CCSER1: variants seen among roughly 807,000 people sequenced by gnomAD.
The protein encoded by CCSER1 is serine-rich coiled-coil domain-containing protein 1.
CCSER1 carries 41 observed loss-of-function variants against 82.0 expected under a neutral mutation model. That is an observed-to-expected ratio of 0.50 (90% confidence interval 0.39 to 0.65). The LOEUF is 0.65. Among genes scored for constraint, CCSER1 ranks in the 30% least tolerant of loss-of-function variants. CCSER1 has a pLI of 0.00. For synonymous variants in CCSER1, 414 were observed against 383.9 expected (o/e 1.08, Z -0.92); for missense variants, 1,119 against 1,064.2 (o/e 1.05, Z -0.72).
In CCSER1 at chr4:90,937,504, A is replaced by ACACACACACACACACACACAC. The variant is rs757870134; in HGVS notation, c.2172+14057_2172+14058insCACACACACACACACACACAC. On this transcript the variant is annotated intron_variant, in intron 9 of 10. Transcript: ENST00000509176. ...AAACACACACACACACACACACACA[A>ACACACACACACACACACACAC]ACACACACACACTGAATGGCTCAAT... Among the ~76,000 whole-genome samples, 89 of 77,730 alleles carry ACACACACACACACACACACAC rather than the reference A, an allele frequency of 1.1e-3. 1 individual carries two copies. Among genetic ancestry groups the ACACACACACACACACACACAC allele is most frequent in the African/African-American group, 3.4e-3 (87 of 25,310 alleles). 51.0% of individuals were successfully genotyped at this position (77,730 alleles called of 152,430 possible). A position where few individuals can be genotyped will look rare whatever the true frequency, so the allele number is the denominator to read the frequency against.
chr4:90,574,170 C>A (rs995330146), intron 5 of CCSER1, among the ~76,000 whole-genome samples: 3 of 148,996 alleles, frequency 2.0e-5, no homozygotes, highest in Non-Finnish European at 4.4e-5. Context: ...TTTAAATGAA[C>A]CTTGCAGTTA....
At chr4:91,211,160 G>C (rs1467812070) in intron 10 of CCSER1, among the ~76,000 whole-genome samples, 1 of 151,944 alleles carries the variant, frequency 6.6e-6, no homozygotes, top group Non-Finnish European at 1.5e-5. Context: ...AGTGAAGATA[G>C]AGAATGGGCA....
At chr4:90,999,879 GTT>G (rs33987640) in intron 9 of CCSER1, among the ~76,000 whole-genome samples, 15,264 of 137,378 alleles carry the variant, frequency 0.11, 897 homozygotes, top group Admixed American at 0.17. Flanking sequence ...TGTTTCTGAG[GTT>G]TTTTTTTTTT....
At chr4:91,576,991 GT>G (rs1273170514) in intron 10 of CCSER1, among the ~76,000 whole-genome samples, 1 of 87,372 alleles carries the variant, frequency 1.1e-5, no homozygotes, top group Non-Finnish European at 2.4e-5. Flanking sequence ...TTTAATTTTT[GT>G]TTTCAATTAT....
At chr4:91,425,036 A>G (rs1753891786) in intron 10 of CCSER1, among the ~76,000 whole-genome samples, 1 of 152,104 alleles carries the variant, frequency 6.6e-6, no homozygotes, top group Non-Finnish European at 1.5e-5. Context: ...TTATAAAACT[A>G]TCCTATGAAT....
At chr4:91,473,056 T>C (rs545796227) in intron 10 of CCSER1, among the ~76,000 whole-genome samples, 2 of 152,276 alleles carry the variant, frequency 1.3e-5, no homozygotes, top group South Asian at 4.1e-4. Flanking sequence ...TGATATTTCA[T>C]ATTCTGTGTG....
intron 3 of CCSER1, among the ~76,000 whole-genome samples, chr4:90,364,261 C>T (rs181337228): frequency 1.3e-5 from 2 of 152,094 alleles, no homozygotes; most frequent in African/African-American, 4.8e-5. Context: ...CTGTCTCTCT[C>T]CCCCAAGTTC....
intron 10 of CCSER1, among the ~76,000 whole-genome samples, chr4:91,220,769 GA>G (rs1344861298): frequency 1.3e-5 from 2 of 151,974 alleles, no homozygotes; most frequent in African/African-American, 4.8e-5. Context: ...GAAAAAAAAG[GA>G]AAGAAAAGAA....
At chr4:91,170,404 A>C (rs893076706) in intron 10 of CCSER1, among the ~76,000 whole-genome samples, 2 of 152,188 alleles carry the variant, frequency 1.3e-5, no homozygotes, top group Non-Finnish European at 2.9e-5. Context: ...TGACAGAGAC[A>C]AAGAAATGCA....
At chr4:90,781,524 C>T in intron 7 of CCSER1, 1 of 984,210 alleles carries the variant, frequency 1.0e-6, no homozygotes, top group Non-Finnish European at 1.2e-6. Context: ...AGATGTTAAA[C>T]TTGAAACACT....
intron 7 of CCSER1, among the ~76,000 whole-genome samples, chr4:90,776,194 C>T (rs1561115638): frequency 6.6e-6 from 1 of 152,068 alleles, no homozygotes; most frequent in Non-Finnish European, 1.5e-5. Flanking sequence ...ATTCAATTCT[C>T]CTGAAATCAA....
At chr4:91,027,652 ACT>A (rs34404295) in intron 9 of CCSER1, among the ~76,000 whole-genome samples, 15,801 of 151,916 alleles carry the variant, frequency 0.1, 866 homozygotes, top group Admixed American at 0.17. Flanking sequence ...GGCATTTATA[ACT>A]CTCCTTCCCA....
At chr4:90,532,332 ACACT>A (rs1363876262) in intron 5 of CCSER1, among the ~76,000 whole-genome samples, 1 of 152,020 alleles carries the variant, frequency 6.6e-6, no homozygotes, top group African/African-American at 2.4e-5. Flanking sequence ...AAAACTGGAA[ACACT>A]CACATTTGCC....
chr4:91,176,559 G>T lies in CCSER1; in HGVS notation c.2217+90565G>T, dbSNP rs533767934. ...CATCCCTTGTAAGTTGGATTCCTAG[G>T]TATTTTATTCTCTTTGAAGCAATTG... On this transcript the variant is annotated intron_variant, in intron 10 of 10. Transcript: ENST00000509176. 2.6e-5 allele frequency among the ~76,000 whole-genome samples: 4 copies of T among 152,168 alleles called. 1 individual carries two copies. The highest frequency in any genetic ancestry group is 4.1e-4 in the South Asian group (2 of 4,824).
chr4:90,419,440 A>G (rs745942975), intron 4 of CCSER1, among the ~76,000 whole-genome samples: 13 of 151,952 alleles, frequency 8.6e-5, no homozygotes, highest in Non-Finnish European at 1.6e-4. Context: ...TACATCAAGT[A>G]CAGTGGAGGG....
chr4:90,480,932 G>T (rs1029527200), intron 5 of CCSER1, among the ~76,000 whole-genome samples: 15 of 152,168 alleles, frequency 9.9e-5, no homozygotes, highest in African/African-American at 3.4e-4. Flanking sequence ...GTGGTAGCTT[G>T]ATGGGGATGG....
chr4:91,382,817 C>T (rs753109539), intron 10 of CCSER1, among the ~76,000 whole-genome samples: 1 of 152,122 alleles, frequency 6.6e-6, no homozygotes, highest in Non-Finnish European at 1.5e-5. Flanking sequence ...GAGCTGTAGA[C>T]TGGAGCTCTT....
At chr4:91,147,344 C>T (rs1371054167) in intron 10 of CCSER1, among the ~76,000 whole-genome samples, 3 of 152,204 alleles carry the variant, frequency 2.0e-5, no homozygotes, top group Non-Finnish European at 4.4e-5. Flanking sequence ...CCGGCCCAGC[C>T]AGCTACGTTT....
At chr4:90,401,093 C>T (rs889488859) in intron 4 of CCSER1, among the ~76,000 whole-genome samples, 21 of 152,122 alleles carry the variant, frequency 1.4e-4, no homozygotes, top group African/African-American at 4.8e-4. Flanking sequence ...TATCAATTGT[C>T]AAAAGAAGGC....
Sources: allele counts gnomAD v4.1 joint callset (sites outside exome capture counted in the v4.1 genomes callset), GRCh38; gene constraint gnomAD v4.1.1; transcripts MANE v1.5; gene names NCBI Gene and HGNC (gene_info 2026-07-23, HGNC 2026-07-21).